Variants in ARRB1 observed in about 807,000 individuals in gnomAD.
ARRB1 encodes the protein beta-arrestin-1.
In ARRB1, 21 loss-of-function variants were observed where a neutral mutation model predicts 56.8. The observed-to-expected ratio is 0.37, with a 90% confidence interval of 0.26 to 0.53. The LOEUF is 0.53. Among genes scored for constraint, ARRB1 ranks in the 20% least tolerant of loss-of-function variants. The pLI is 0.88. For synonymous variants in ARRB1, 210 were observed against 218.6 expected, an observed-to-expected ratio of 0.96 and a Z score of 0.35; for missense variants, 424 against 553.7, an observed-to-expected ratio of 0.77 and a Z score of 2.35.
At chr11:75,269,300 C>G (rs927482267) in intron 13 of ARRB1, 3 of 445,404 alleles carry the variant, frequency 6.7e-6, no homozygotes, top group South Asian at 3.5e-5. Context: ...GCCCTGGGAC[C>G]CCCCCCCACC....
At chr11:75,351,521 C>A (rs1194135431) in intron 1 of ARRB1, 67 bp downstream of exon 1, 4 of 1,494,438 alleles carry the variant, frequency 2.7e-6, no homozygotes, top group Non-Finnish European at 3.5e-6. Flanking sequence ...GCAATCGGAG[C>A]CCCCGCCCGT....
At chr11:75,271,281 C>T (rs1434678492) in intron 13 of ARRB1, 3 of 161,054 alleles carry the variant, frequency 1.9e-5, no homozygotes, top group Non-Finnish European at 4.0e-5. Context: ...ATCCAGCTGG[C>T]TGCAAGGAGA....
chr11:75,268,820 G>T, intron 14 of ARRB1, 69 bp downstream of exon 14: 3 of 1,536,300 alleles, frequency 2.0e-6, no homozygotes, highest in Non-Finnish European at 2.7e-6. Flanking sequence ...CCCGGGGCGG[G>T]GTGGGTTACA....
chr11:75,290,120 A>G lies in ARRB1; in HGVS notation c.21-81T>C, dbSNP rs1388371313. On this transcript the variant is annotated intron_variant, in intron 1 of 15. Transcript: ENST00000420843. The stretch of plus-strand genomic sequence containing the variant: ...CTCCTGCGGGCCACCTTGAGGCAGG[A>G]CTGGGGACCAGGGCTGGAGTGACTG... The G allele has an allele frequency of 1.9e-6, 3 of 1,575,844 alleles. No homozygotes were observed. In the East Asian group the frequency reaches 6.7e-5, roughly 35 times the overall value.
intron 2 of ARRB1, among the ~76,000 whole-genome samples, chr11:75,288,510 C>T (rs550786243): frequency 5.9e-5 from 9 of 152,348 alleles, no homozygotes; most frequent in African/African-American, 2.2e-4. Flanking sequence ...CTCTCCATCC[C>T]CACAGCCACT....
chr11:75,289,537 T>C (rs757833242), intron 2 of ARRB1, among the ~76,000 whole-genome samples: 5 of 152,158 alleles, frequency 3.3e-5, no homozygotes, highest in Non-Finnish European at 7.3e-5. Context: ...TGGTGTGGAA[T>C]GGTGTCAGTA....
intron 1 of ARRB1, among the ~76,000 whole-genome samples, chr11:75,318,273 CCAGCTT>C (rs1171936069): frequency 4.0e-5 from 6 of 151,060 alleles, no homozygotes; most frequent in Non-Finnish European, 8.8e-5. Context: ...AAACAATCCT[CCAGCTT>C]CAGCCTCCTG....
At chr11:75,339,869 C>T (rs1947668615) in intron 1 of ARRB1, among the ~76,000 whole-genome samples, 1 of 152,172 alleles carries the variant, frequency 6.6e-6, no homozygotes, top group Admixed American at 6.5e-5. Flanking sequence ...CTAACAGAAA[C>T]GATATAAGCT....
intron 1 of ARRB1, chr11:75,306,791 T>G: frequency 1.4e-6 from 1 of 729,220 alleles, no homozygotes; most frequent in Non-Finnish European, 1.9e-6. Context: ...TCCTCCGGGC[T>G]TCTCGGGCCA....
At chr11:75,300,948 A>C (rs1476722187) in intron 1 of ARRB1, among the ~76,000 whole-genome samples, 3 of 142,016 alleles carry the variant, frequency 2.1e-5, no homozygotes, top group African/African-American at 8.3e-5. Context: ...AGCCTGGGCG[A>C]CAGAGCGAGA....
At chr11:75,308,356 G>A (rs1325821879) in intron 1 of ARRB1, among the ~76,000 whole-genome samples, 1 of 152,202 alleles carries the variant, frequency 6.6e-6, no homozygotes, top group South Asian at 2.1e-4. Context: ...AGGCCCAAGC[G>A]AGCCCAGAGA....
chr11:75,340,620 G>A lies in ARRB1; in HGVS notation c.20+10968C>T, dbSNP rs779392969. ...AGACCTGGCAGACCCTGTAGCAGGC[G>A]CTGCTTTCCAAGTGCCTGAGCTCCA... On this transcript the variant is annotated intron_variant, in intron 1 of 15. Transcript: ENST00000420843. Among the ~76,000 whole-genome samples the A allele has an allele frequency of 1.8e-4, 27 of 152,174 alleles. 1 individual carries two copies. Among genetic ancestry groups the A allele is most frequent in the Admixed American group, 1.1e-3 (17 of 15,282 alleles).
intron 1 of ARRB1, among the ~76,000 whole-genome samples, chr11:75,294,625 A>T (rs1260827715): frequency 7.1e-6 from 1 of 141,528 alleles, no homozygotes; most frequent in Non-Finnish European, 1.6e-5. Context: ...ATATTTTTTT[A>T]ATGAAATGGA....
chr11:75,293,145 C>G (rs896964167), intron 1 of ARRB1, among the ~76,000 whole-genome samples: 1 of 152,140 alleles, frequency 6.6e-6, no homozygotes, highest in Non-Finnish European at 1.5e-5. Flanking sequence ...CTTGTCAGCA[C>G]CAGGACCACC....
At chr11:75,345,893 T>C (rs753324630) in intron 1 of ARRB1, among the ~76,000 whole-genome samples, 48 of 152,102 alleles carry the variant, frequency 3.2e-4, no homozygotes, top group Non-Finnish European at 2.9e-5. Flanking sequence ...TCAGCAAACC[T>C]CTGCCAGGCA....
chr11:75,314,105 C>T (rs956639737), intron 1 of ARRB1, among the ~76,000 whole-genome samples: 3 of 152,228 alleles, frequency 2.0e-5, no homozygotes, highest in Non-Finnish European at 2.9e-5. Context: ...TCCCTGGAGC[C>T]ACCAACTTCC....
At chr11:75,268,836 A>T in intron 14 of ARRB1, 53 bp downstream of exon 14, 2 of 1,583,958 alleles carry the variant, frequency 1.3e-6, no homozygotes, top group Admixed American at 3.8e-5. Flanking sequence ...TTACAGGGTC[A>T]CGTGGCAGCT....
chr11:75,335,041 AG>A (rs1947580817), intron 1 of ARRB1: 2 of 171,856 alleles, frequency 1.2e-5, no homozygotes, highest in Non-Finnish European at 2.9e-5. Context: ...GGCCTTGGAA[AG>A]GGCCCTGGAG....
chr11:75,307,146 C>A (rs772601176), intron 1 of ARRB1, among the ~76,000 whole-genome samples: 1 of 152,190 alleles, frequency 6.6e-6, no homozygotes, highest in Non-Finnish European at 1.5e-5. Context: ...TCTTCCCTTC[C>A]TCCCTGCCCC....
Sources: gnomAD v4.1 joint callset for allele counts (sites outside exome capture counted in the v4.1 genomes callset) on GRCh38, gnomAD v4.1.1 for gene constraint, MANE v1.5 for transcripts, NCBI Gene and HGNC (gene_info 2026-07-23, HGNC 2026-07-21) for gene names.